KDM4C: variants seen among roughly 807,000 people sequenced by gnomAD.
KDM4C encodes the protein lysine demethylase 4C.
A neutral mutation model predicts 129.3 loss-of-function variants in KDM4C; 81 were observed. The ratio of observed to expected loss-of-function variants is 0.63; its 90% confidence interval spans 0.52 to 0.75. KDM4C has a LOEUF of 0.75. KDM4C is among the 30% of genes least tolerant of loss of function. KDM4C has a pLI of 0.00. For missense variants in KDM4C, 1,457 were observed against 1,304.0 expected (o/e 1.12, Z -1.81); for synonymous variants, 573 against 456.1 (o/e 1.26, Z -3.26).
At chr9:7,025,805 A>T (rs1825711400) in intron 15 of KDM4C, among the ~76,000 whole-genome samples, 1 of 152,178 alleles carries the variant, frequency 6.6e-6, no homozygotes, top group South Asian at 2.1e-4. Context: ...TATCACATTT[A>T]CAGTGTTATA....
intron 18 of KDM4C, among the ~76,000 whole-genome samples, chr9:7,118,850 C>T (rs1180074489): frequency 2.0e-5 from 3 of 152,124 alleles, no homozygotes; most frequent in Non-Finnish European, 4.4e-5. Flanking sequence ...CATGACTCAT[C>T]CTGCTAGATG....
intron 8 of KDM4C, among the ~76,000 whole-genome samples, chr9:6,916,435 G>A (rs1820328794): frequency 6.6e-6 from 1 of 151,986 alleles, no homozygotes; most frequent in South Asian, 2.1e-4. Flanking sequence ...GAGCAGCTGG[G>A]ACTTCTTAAT....
At chr9:6,971,479 C>G (rs1463919827) in intron 8 of KDM4C, among the ~76,000 whole-genome samples, 2 of 152,190 alleles carry the variant, frequency 1.3e-5, no homozygotes, top group African/African-American at 4.8e-5. Flanking sequence ...CGTACCAAAT[C>G]ACTTTCTAGA....
chr9:7,076,008 A>T (rs1362089431), intron 17 of KDM4C, among the ~76,000 whole-genome samples: 1 of 152,170 alleles, frequency 6.6e-6, no homozygotes, highest in Non-Finnish European at 1.5e-5. Flanking sequence ...AGCTTATGGG[A>T]TAGAACGAAC....
At chr9:6,757,889 C>T, upstream of KDM4C, 2 of 985,504 alleles carry the variant, frequency 2.0e-6, no homozygotes, top group Non-Finnish European at 1.2e-6. Flanking sequence ...GTGCCGGGCA[C>T]CTTTAAGCTG....
upstream of KDM4C, among the ~76,000 whole-genome samples, chr9:6,753,213 T>C (rs1818132437): frequency 6.6e-6 from 1 of 152,236 alleles, no homozygotes. Flanking sequence ...GTTTGGACTG[T>C]CTTTCCAATG....
At chr9:7,013,646 C>A in intron 13 of KDM4C, 142 bp from the exon 14 acceptor site, 1 of 698,720 alleles carries the variant, frequency 1.4e-6, no homozygotes, top group Admixed American at 2.9e-5. Flanking sequence ...TTAAAAAAAA[C>A]TAGTAGTTTG....
At chr9:7,150,636 G>T (rs1842644914) in intron 19 of KDM4C, among the ~76,000 whole-genome samples, 1 of 152,166 alleles carries the variant, frequency 6.6e-6, no homozygotes. Context: ...CTTACCAGTG[G>T]GTTAGAACTG....
chr9:6,876,431 C>T (rs760758268), intron 5 of KDM4C, among the ~76,000 whole-genome samples: 2 of 152,072 alleles, frequency 1.3e-5, no homozygotes, highest in Admixed American at 1.3e-4. Flanking sequence ...TAGGTCTGAC[C>T]GTGGTGAAGT....
intron 4 of KDM4C, among the ~76,000 whole-genome samples, chr9:6,823,941 A>G (rs1186422096): frequency 6.6e-6 from 1 of 152,164 alleles, no homozygotes; most frequent in African/African-American, 2.4e-5. Flanking sequence ...TTTCACTCAT[A>G]CTGATGGGAA....
At chr9:7,140,030 T>C (rs771451553) in intron 19 of KDM4C, among the ~76,000 whole-genome samples, 6 of 152,234 alleles carry the variant, frequency 3.9e-5, no homozygotes, top group South Asian at 2.1e-4. Context: ...TGGGATCTTA[T>C]ACACTGACAT....
intron 1 of KDM4C, among the ~76,000 whole-genome samples, chr9:6,768,171 C>CTT (rs1821012311): frequency 6.6e-6 from 1 of 151,804 alleles, no homozygotes; most frequent in Non-Finnish European, 1.5e-5. Context: ...CAGTGTGGTT[C>CTT]CCTAATTAAA....
intron 8 of KDM4C, among the ~76,000 whole-genome samples, chr9:6,945,573 G>T (rs1276051347): frequency 2.0e-5 from 3 of 151,952 alleles, no homozygotes; most frequent in African/African-American, 7.2e-5. Context: ...ATTAAAGATG[G>T]GGCTACTAAA....
intron 17 of KDM4C, chr9:7,076,321 T>C (rs1587482014): frequency 1.4e-6 from 1 of 719,022 alleles, no homozygotes; most frequent in Non-Finnish European, 2.5e-6. Flanking sequence ...ATATGGGAAG[T>C]GTCTGAGCTG....
At chr9:7,104,017 T>C in intron 18 of KDM4C, 147 bp downstream of exon 18, 1 of 700,100 alleles carries the variant, frequency 1.4e-6, no homozygotes, top group Non-Finnish European at 2.4e-6. Flanking sequence ...GGGCAGGGAT[T>C]GCGCACTGTT....
intron 8 of KDM4C, among the ~76,000 whole-genome samples, chr9:6,960,336 G>A (rs970903722): frequency 3.4e-5 from 5 of 146,644 alleles, no homozygotes; most frequent in African/African-American, 5.1e-5. Context: ...CTGAAGTACA[G>A]TGGCATAATC....
chr9:7,076,619 C>G, intron 17 of KDM4C: 2 of 1,408,154 alleles, frequency 1.4e-6, no homozygotes, highest in South Asian at 3.4e-5. Flanking sequence ...GCCTGAGCTC[C>G]TGATTGAGTC....
In KDM4C at chr9:6,732,882, A is replaced by G. The variant is rs550146317; in HGVS notation, c.49+11885A>G. ...ACAAAAATTAGCTGGACGTGGTGGC[A>G]CACGCCTGTAGTCCCAGCTACTGGG... On this transcript the variant is annotated intron_variant, in intron 1 of 17. Coordinates refer to the KDM4C transcript ENST00000536108. Among the ~76,000 whole-genome samples, 3 of 152,264 alleles carry G rather than the reference A, an allele frequency of 2.0e-5. No individual in the cohort carries two copies. The East Asian group carries it at 5.8e-4, about 29-fold the overall frequency.
At chr9:6,858,080 C>T (rs1340751531) in intron 5 of KDM4C, among the ~76,000 whole-genome samples, 1 of 151,996 alleles carries the variant, frequency 6.6e-6, no homozygotes, top group Non-Finnish European at 1.5e-5. Context: ...CTTGGCTTCC[C>T]AAAGTCCTGG....
Sources: allele counts gnomAD v4.1 joint callset (sites outside exome capture counted in the v4.1 genomes callset), GRCh38; gene constraint gnomAD v4.1.1; transcripts MANE v1.5; gene names NCBI Gene and HGNC (gene_info 2026-07-23, HGNC 2026-07-21).